The following STAM variants were observed in gnomAD, a reference collection of about 807,000 sequenced individuals.
STAM encodes signal transducing adapter molecule 1.
Under a neutral mutation model 63.4 loss-of-function variants are expected in STAM, and 16 were observed. That is an observed-to-expected ratio of 0.25 (90% CI 0.17 to 0.38). The LOEUF is 0.38. Ranked by LOEUF, STAM falls within the 10% of genes least tolerant of loss-of-function variation. STAM has a pLI of 1.00. For missense variants in STAM, 636 were observed against 657.1 expected (o/e 0.97, Z 0.35); for synonymous variants, 238 against 223.9 (o/e 1.06, Z -0.56).
Position 17,704,503 on chromosome 10 carries a change from C to G in STAM, c.985C>G (p.Leu329Val), listed in dbSNP as rs1242967398. Reference sequence around the variant, plus strand: ...TGATGATCAGCCAGACCTACCAGAGCTGCTTCATCTTGAAGGTAAAACTTT... The same window carrying G: ...TGATGATCAGCCAGACCTACCAGAGGTGCTTCATCTTGAAGGTAAAACTTT... The part of the protein sequence containing the change: ...PSDDQPDLPE[L>V]LHLEAMCHQM... The change falls in exon 10 of 14, where the codon CTG becomes GTG. Residue 329 changes from leucine to valine, a missense_variant. Transcript: ENST00000377524. 1.9e-6 allele frequency: 3 copies of G among 1,613,910 alleles called. No homozygotes were observed. The African/African-American group carries it at 4.0e-5, about 22-fold the overall frequency.
chr10:17,656,334 C>T (rs1272188519), intron 1 of STAM, among the ~76,000 whole-genome samples: 1 of 150,670 alleles, frequency 6.6e-6, no homozygotes, highest in Non-Finnish European at 1.5e-5. Context: ...AGATAGCTTG[C>T]TTGTTTGCCC....
At chr10:17,670,292 A>G (rs1554823928) in intron 2 of STAM, among the ~76,000 whole-genome samples, 2 of 152,202 alleles carry the variant, frequency 1.3e-5, no homozygotes, top group Non-Finnish European at 2.9e-5. Context: ...AGACTTATAG[A>G]ATTCTGATGA....
chr10:17,683,720 A>G (rs1229066131), intron 2 of STAM, among the ~76,000 whole-genome samples: 2 of 152,204 alleles, frequency 1.3e-5, no homozygotes, highest in African/African-American at 2.4e-5. Flanking sequence ...ATAATAGCTT[A>G]TATAAAGTCC....
At chr10:17,709,354 CTCTT>C (rs201594066) in intron 13 of STAM, among the ~76,000 whole-genome samples, 2,086 of 152,256 alleles carry the variant, frequency 0.014, 23 homozygotes, top group South Asian at 0.028. Context: ...TCTGAGCTGT[CTCTT>C]TAAGACAAAT....
rs782460919 is a variant in STAM at position 17,660,541 on chromosome 10, C to T, written c.118C>T (p.Arg40Cys). The T allele has an allele frequency of 1.9e-5, 30 of 1,597,634 alleles. No homozygotes were observed. The highest frequency in any genetic ancestry group is 2.7e-5 in the African/African-American group (2 of 73,724). Reference protein sequence around the residue: ...LDICDKVGQSRTGPKDCLRSI... With the variant: ...LDICDKVGQSCTGPKDCLRSI... ...TATCTGTGATAAAGTTGGTCAGTCT[C>T]GCACTGGGTAAGTATTTAGCGTTTC... Residue 40 changes from arginine (R) to cysteine (C), a missense_variant, in exon 2 of 14, where the codon CGC (arginine) becomes TGC (cysteine). Physicochemically the swap from Arg to Cys is radical, Grantham distance 180 (BLOSUM62 -3). This residue lies in a region of STAM where 87 missense variants were observed against 80.3 expected (regional missense o/e 1.08). Coordinates refer to ENST00000377524, the MANE Select transcript of STAM (RefSeq NM_003473.4).
intron 2 of STAM, 139 bp from the exon 3 acceptor site, chr10:17,684,536 C>T (rs1436125170): frequency 4.1e-5 from 23 of 560,754 alleles, no homozygotes; most frequent in Non-Finnish European, 6.7e-5. Flanking sequence ...AGTTTTTCAA[C>T]CGTGTTATTA....
chr10:17,684,793 A>G (rs1554825879), intron 3 of STAM, 39 bp from the exon 4 acceptor site: 2 of 1,613,522 alleles, frequency 1.2e-6, no homozygotes, highest in South Asian at 1.1e-5. Flanking sequence ...ATTACCTGCC[A>G]CAATTGAGCC....
chr10:17,669,790 C>T (rs1437830786), intron 2 of STAM, among the ~76,000 whole-genome samples: 1 of 151,474 alleles, frequency 6.6e-6, no homozygotes, highest in Non-Finnish European at 1.5e-5. Flanking sequence ...TGCCGCCTCC[C>T]AGGTTCACAC....
intron 1 of STAM, among the ~76,000 whole-genome samples, chr10:17,647,203 T>C (rs899536106): frequency 6.6e-6 from 1 of 152,232 alleles, no homozygotes. Context: ...TTTTGGACAT[T>C]ATAATTCAAG....
At chr10:17,676,216 A>T (rs538959340) in intron 2 of STAM, among the ~76,000 whole-genome samples, 1 of 152,352 alleles carries the variant, frequency 6.6e-6, no homozygotes, top group African/African-American at 2.4e-5. Context: ...ATTTACTTCC[A>T]GGCATGAGCT....
intron 6 of STAM, 128 bp from the exon 7 acceptor site, chr10:17,694,921 A>G: frequency 1.3e-6 from 1 of 751,018 alleles, no homozygotes; most frequent in Non-Finnish European, 2.0e-6. Flanking sequence ...TCAATGTATC[A>G]GGATATGTTC....
intron 2 of STAM, among the ~76,000 whole-genome samples, chr10:17,672,402 T>C (rs1834677110): frequency 6.6e-6 from 1 of 152,210 alleles, no homozygotes; most frequent in Non-Finnish European, 1.5e-5. Flanking sequence ...TTGAGCTGTA[T>C]CATATACATG....
At chr10:17,703,066 A>T (rs1554828747) in intron 9 of STAM, among the ~76,000 whole-genome samples, 1 of 151,694 alleles carries the variant, frequency 6.6e-6, no homozygotes, top group Non-Finnish European at 1.5e-5. Flanking sequence ...TTGCAGAAGC[A>T]GACTAATCAT....
chr10:17,695,334 TAATA>T (rs1835712560), intron 7 of STAM, 93 bp downstream of exon 7: 1 of 1,190,150 alleles, frequency 8.4e-7, no homozygotes, highest in Non-Finnish European at 1.2e-6. Context: ...CCAAATACAA[TAATA>T]AATATTGACC....
intron 2 of STAM, among the ~76,000 whole-genome samples, chr10:17,678,325 G>T (rs1472396145): frequency 2.0e-5 from 3 of 151,808 alleles, no homozygotes; most frequent in Non-Finnish European, 2.9e-5. Context: ...CACAATCTCA[G>T]TTCACTGTAA....
At position 17,715,491 on chromosome 10, in the gene STAM, T is replaced by G. The variant is rs79073084; in HGVS notation, c.*711T>G. 7.5e-3 allele frequency: 1,129 copies of G among 150,634 alleles called. 8 individuals carry two copies. Among genetic ancestry groups the G allele is most frequent in the Non-Finnish European group, 0.012 (820 of 67,144 alleles). 9.3% of individuals were successfully genotyped at this position (150,634 alleles called of 1,614,324 possible). A position where few individuals can be genotyped will look rare whatever the true frequency, so the allele number is the denominator to read the frequency against. ...ACACCAGCGTACAGTAGCTAAATTT[T>G]TGGTGCAATTATAGCAAATGATAAT... is the stretch of plus-strand genomic sequence containing the variant. On this transcript the variant is annotated 3_prime_UTR_variant, in exon 14 of 14. Transcript: ENST00000377524.
chr10:17,669,700 CT>C (rs1473808785), intron 2 of STAM, among the ~76,000 whole-genome samples: 157 of 140,474 alleles, frequency 1.1e-3, no homozygotes, highest in Non-Finnish European at 1.7e-3. Context: ...TTCTTTCTTT[CT>C]TTTTTTTTTT....
At chr10:17,646,570 C>T (rs868911705) in intron 1 of STAM, among the ~76,000 whole-genome samples, 1 of 152,122 alleles carries the variant, frequency 6.6e-6, no homozygotes, top group Admixed American at 6.6e-5. Context: ...GTCAGTTGAG[C>T]CTGCCAGACA....
At chr10:17,691,857 A>G (rs1388832966) in intron 5 of STAM, among the ~76,000 whole-genome samples, 1 of 152,242 alleles carries the variant, frequency 6.6e-6, no homozygotes, top group African/African-American at 2.4e-5. Context: ...ATATACATTC[A>G]TAACTTTTCA....
Sources: allele counts gnomAD v4.1 joint callset (sites outside exome capture counted in the v4.1 genomes callset), GRCh38; gene constraint gnomAD v4.1.1; regional missense constraint gnomAD v4.1.1; transcripts MANE v1.5; gene names NCBI Gene and HGNC (gene_info 2026-07-23, HGNC 2026-07-21).